The following ANKRD26 variants were observed in gnomAD, a reference collection of about 807,000 sequenced individuals.
ANKRD26 encodes ankyrin repeat domain-containing protein 26.
ANKRD26 carries 141 observed loss-of-function variants against 208.7 expected under a neutral mutation model. The ratio of observed to expected loss-of-function variants is 0.68; its 90% CI spans 0.59 to 0.78. ANKRD26 has a LOEUF of 0.78. Among genes scored for constraint, ANKRD26 ranks in the 30% least tolerant of loss-of-function variants. The pLI, the probability that ANKRD26 is intolerant of heterozygous loss-of-function variation, is 0.00. For missense variants in ANKRD26, 1,889 were observed against 1,938.7 expected (o/e 0.97, Z 0.48); for synonymous variants, 636 against 660.4 (o/e 0.96, Z 0.57).
At chr10:26,984,689 T>C (rs1019984336) in intron 3 of ANKRD26, among the ~76,000 whole-genome samples, 2 of 152,116 alleles carry the variant, frequency 1.3e-5, no homozygotes, top group East Asian at 1.9e-4. Flanking sequence ...TGGAGAAAAG[T>C]TGGGTCGGTT....
At position 27,092,418 on chromosome 10, in the gene ANKRD26, T is replaced by A. The variant is rs750510948; in HGVS notation, c.626A>T (p.Asp209Val). 8.1e-6 allele frequency: 13 copies of A among 1,608,886 alleles called. No individual in the cohort carries two copies. Among genetic ancestry groups the A allele is most frequent in the Non-Finnish European group, 1.1e-5 (13 of 1,176,316 alleles). Residue 209 changes from aspartate to valine, a missense_variant, in exon 4 of 34, where the codon GAT becomes GTT. Asp to Val is a radical substitution (Grantham distance 152, BLOSUM62 -3). Coordinates refer to ENST00000376087, the MANE Select transcript of ANKRD26 (RefSeq NM_014915.3). ...CCAGCTACTGTACCTTTCCAACTTA[T>A]CTACTGCATTTACATTTGCTTTTTT... ...IKKKANVNAV[D>V]KLESSHQLIS...
Position 27,037,972 on chromosome 10 carries a change from C to T in ANKRD26, c.2458G>A (p.Glu820Lys), listed in dbSNP as rs746927502. The T allele has an allele frequency of 1.2e-5, 20 of 1,613,044 alleles. No individual in the cohort carries two copies. Among genetic ancestry groups the T allele is most frequent in the Non-Finnish European group, 1.4e-5 (17 of 1,179,670 alleles). The change falls in exon 22 of 34, where the codon GAA becomes AAA. Residue 820 changes from glutamate to lysine, a missense_variant. By Grantham distance (56) the Glu-to-Lys change is moderately conservative. This residue lies in a region of ANKRD26 where 1,272 missense variants were observed against 1,273.8 expected (regional missense o/e 1.00). Coordinates refer to ENST00000376087, the MANE Select transcript of ANKRD26 (RefSeq NM_014915.3). Reference sequence around the variant, plus strand: ...TCAACTTCTTTCCTATATTGCTCTTCTTTTCTTCTTAACTGTTCCCTAATT... The same window carrying T: ...TCAACTTCTTTCCTATATTGCTCTTTTTTTCTTCTTAACTGTTCCCTAATT... ...EKIREQLRRK[E>K]EQYRKEVEVK...
exon 6 of ANKRD26, among the ~76,000 whole-genome samples, chr10:26,973,911 C>T (rs1308467556): frequency 6.6e-6 from 1 of 151,978 alleles, no homozygotes; most frequent in African/African-American, 2.4e-5. Context: ...CCCACCTCGG[C>T]CTCCCAAAGT....
At chr10:26,952,153 T>C in the ANKRD26 span, among the ~76,000 whole-genome samples, 1 of 152,144 alleles carries the variant, frequency 6.6e-6, no homozygotes, top group Non-Finnish European at 1.5e-5. Flanking sequence ...TTGACCTGAC[T>C]TGCTTGTCCC....
chr10:27,043,816 G>A (rs1412215254), intron 19 of ANKRD26, among the ~76,000 whole-genome samples: 7 of 149,268 alleles, frequency 4.7e-5, no homozygotes, highest in South Asian at 2.1e-4. Context: ...TTTTGACATC[G>A]GGTCTCGCTC....
Position 27,024,571 on chromosome 10 carries a change from A to ATGTCCTTTTTTTT in ANKRD26, c.3973-13_3973-12insAAAAAAAAGGACA. 7.3e-7 allele frequency: 1 copy of ATGTCCTTTTTTTT among 1,374,442 alleles called. No homozygotes were observed. Among genetic ancestry groups the ATGTCCTTTTTTTT allele is most frequent in the Non-Finnish European group, 1.0e-6 (1 of 966,694 alleles). 85.1% of individuals were successfully genotyped at this position (1,374,442 alleles called of 1,614,324 possible). ...TTTTCATCTTCAGACTTTGAAACAA[A>ATGTCCTTTTTTTT]ATATTTTCAATTACTTTTAAAACTC... On this transcript the variant is annotated splice_polypyrimidine_tract_variant and intron_variant, in intron 27 of 33. Transcript: ENST00000376087.
At chr10:27,086,701 T>C in intron 4 of ANKRD26, 92 bp from the exon 5 acceptor site, 2 of 1,396,380 alleles carry the variant, frequency 1.4e-6, no homozygotes, top group Middle Eastern at 2.6e-4. Flanking sequence ...TCAGCCATTA[T>C]CAGAGCTAAC....
At chr10:26,949,514 T>A in the ANKRD26 span, among the ~76,000 whole-genome samples, 3 of 151,998 alleles carry the variant, frequency 2.0e-5, no homozygotes, top group Non-Finnish European at 2.9e-5. Context: ...TTTATTAATT[T>A]ATTTATTTTT....
chr10:27,014,763 C>G (rs2053235377), intron 30 of ANKRD26, 52 bp from the exon 31 acceptor site: 1 of 1,459,326 alleles, frequency 6.9e-7, no homozygotes, highest in Non-Finnish European at 9.5e-7. Context: ...TGAGTAAGAC[C>G]ATGGTCACCT....
intron 4 of ANKRD26, among the ~76,000 whole-genome samples, chr10:27,087,726 T>C (rs980817684): frequency 6.6e-6 from 1 of 152,208 alleles, no homozygotes; most frequent in African/African-American, 2.4e-5. Context: ...AACCAGCAGA[T>C]CTTTGTTAGA....
the ANKRD26 span, among the ~76,000 whole-genome samples, chr10:26,957,454 T>C: frequency 8.5e-5 from 13 of 152,260 alleles, no homozygotes; most frequent in Admixed American, 2.0e-4. Flanking sequence ...AAGATAGCCA[T>C]AGAACAAAGT....
chr10:26,972,164 G>A (rs1375070789), downstream of ANKRD26, among the ~76,000 whole-genome samples: 2 of 151,654 alleles, frequency 1.3e-5, no homozygotes, highest in Non-Finnish European at 2.9e-5. Flanking sequence ...GATCCCGGGA[G>A]GCGGAGCTTG....
chr10:27,022,653 A>T lies in ANKRD26; in HGVS notation c.4120T>A (p.Leu1374Ile), dbSNP rs2053528710. The T allele has an allele frequency of 1.9e-6, 3 of 1,585,888 alleles. No homozygotes were observed. In the East Asian group the frequency reaches 6.8e-5, roughly 36 times the overall value. Residue 1374 changes from leucine (L) to isoleucine (I), a missense_variant, in exon 29 of 34, where the codon TTA becomes ATA. Leu to Ile is a conservative substitution (Grantham distance 5). Around this residue, in one of 3 missense-constraint regions of ANKRD26, gnomAD observed 613 missense variants for 648.2 expected, o/e 0.95. Coordinates refer to ENST00000376087, the MANE Select transcript of ANKRD26 (RefSeq NM_014915.3). ...AATTCTCCATTTTCATATTCATTTA[A>T]CTTCTTTCTTGTCATTTTTAAGAGG... ...KNLLKMTRKK[L>I]NEYENGEFSF...
At chr10:27,021,365 ATT>A (rs2053481340) in intron 29 of ANKRD26, among the ~76,000 whole-genome samples, 1 of 152,180 alleles carries the variant, frequency 6.6e-6, no homozygotes, top group Admixed American at 6.5e-5. Flanking sequence ...GAAACTCCAC[ATT>A]GTTTTTTATA....
chr10:27,034,945 C>A lies in ANKRD26; in HGVS notation c.3505G>T (p.Asp1169Tyr). 6.2e-6 allele frequency: 10 copies of A among 1,614,044 alleles called. No homozygotes were observed. Among genetic ancestry groups the A allele is most frequent in the Non-Finnish European group, 8.5e-6 (10 of 1,179,956 alleles). ...NKEKTVINIQ[D>Y]QFHAIVQKLQ... ...TTTTGCACAATAGCATGAAACTGGT[C>A]TTGGATATTAATCACTGTCTTCTCT... The change falls in exon 24 of 34, where the codon GAC becomes TAC. Residue 1169 changes from aspartate to tyrosine, a missense_variant. This residue lies in a region of ANKRD26 where 613 missense variants were observed against 648.2 expected (regional missense o/e 0.95). Transcript: ENST00000376087.
chr10:27,056,001 C>G (rs556135367), intron 15 of ANKRD26, among the ~76,000 whole-genome samples: 1 of 152,306 alleles, frequency 6.6e-6, no homozygotes. Context: ...TACTGACTCT[C>G]AAGTTTATGC....
chr10:27,087,403 C>T (rs552708299), intron 4 of ANKRD26, among the ~76,000 whole-genome samples: 2 of 152,288 alleles, frequency 1.3e-5, no homozygotes, highest in Non-Finnish European at 2.9e-5. Flanking sequence ...ATTGCTAAAA[C>T]TATTTTGGAA....
intron 16 of ANKRD26, chr10:27,051,092 A>G: frequency 3.2e-6 from 4 of 1,266,454 alleles, no homozygotes; most frequent in Non-Finnish European, 4.1e-6. Flanking sequence ...CTTTCTCCAA[A>G]GCCTGGAACT....
intron 21 of ANKRD26, among the ~76,000 whole-genome samples, chr10:27,038,602 G>C (rs1369881565): frequency 6.7e-6 from 1 of 150,276 alleles, no homozygotes; most frequent in Admixed American, 6.6e-5. Flanking sequence ...AGTGAGCCGA[G>C]ATTGTGCCAC....
Sources: gnomAD v4.1 joint callset for allele counts (sites outside exome capture counted in the v4.1 genomes callset) on GRCh38, gnomAD v4.1.1 for gene constraint, gnomAD v4.1.1 regional missense constraint, MANE v1.5 for transcripts, NCBI Gene and HGNC (gene_info 2026-07-23, HGNC 2026-07-21) for gene names.